Variants in DISC1 observed in about 807,000 individuals in gnomAD.
DISC1 encodes the protein disrupted in schizophrenia 1 protein.
In DISC1, 57 loss-of-function variants were observed where a neutral mutation model predicts 84.5. That is an observed-to-expected ratio of 0.67 (90% CI 0.55 to 0.84). The LOEUF (loss-of-function observed/expected upper bound fraction) is 0.84. DISC1 is among the 40% of genes least tolerant of loss of function. The pLI, the probability that DISC1 is intolerant of heterozygous loss-of-function variation, is 0.00. For synonymous variants in DISC1, 411 were observed against 415.2 expected, an observed-to-expected ratio of 0.99 and a Z score of 0.12; for missense variants, 1,000 against 1,057.8, an observed-to-expected ratio of 0.95 and a Z score of 0.76.
At chr1:231,893,957 T>C (rs931336164) in intron 9 of DISC1, among the ~76,000 whole-genome samples, 1 of 152,140 alleles carries the variant, frequency 6.6e-6, no homozygotes, top group Non-Finnish European at 1.5e-5. Flanking sequence ...AGAAATGATA[T>C]GAGGGATAGA....
At chr1:231,763,188 G>A (rs1053684723) in intron 4 of DISC1, among the ~76,000 whole-genome samples, 10 of 152,234 alleles carry the variant, frequency 6.6e-5, no homozygotes, top group South Asian at 2.1e-4. Flanking sequence ...AGCCTGATCC[G>A]CATTGACTCC....
intron 3 of DISC1, among the ~76,000 whole-genome samples, chr1:231,714,866 G>A (rs760658361): frequency 1.2e-4 from 19 of 152,140 alleles, no homozygotes; most frequent in Non-Finnish European, 2.2e-4. Context: ...TCCACCACAT[G>A]GATTCATTTG....
chr1:231,711,713 C>T (rs538412541), intron 3 of DISC1, among the ~76,000 whole-genome samples: 2 of 152,202 alleles, frequency 1.3e-5, no homozygotes, highest in African/African-American at 4.8e-5. Flanking sequence ...AACCTAGTAC[C>T]AGCTGAAAAG....
At chr1:231,902,062 C>A (rs930435889) in intron 9 of DISC1, among the ~76,000 whole-genome samples, 2 of 151,684 alleles carry the variant, frequency 1.3e-5, no homozygotes, top group African/African-American at 2.4e-5. Context: ...ATTTATTATA[C>A]ATATTAGGTC....
intron 7 of DISC1, 128 bp from the exon 8 acceptor site, chr1:231,799,966 CTTTTTGAACATTGT>C (rs2079093801): frequency 1.8e-6 from 1 of 565,138 alleles, no homozygotes; most frequent in Non-Finnish European, 3.2e-6. Context: ...CCATTGCTTG[CTTTTTGAACATTGT>C]CTTCCAATTA....
In DISC1 at chr1:231,743,901, C is replaced by T. The variant is rs2073642581; in HGVS notation, c.1118-6025C>T. Among the ~76,000 whole-genome samples the T allele has an allele frequency of 3.9e-5, 6 of 152,166 alleles. No individual in the cohort carries two copies. The South Asian group carries it at 1.0e-3, about 26-fold the overall frequency. On this transcript the variant is annotated intron_variant, in intron 3 of 12. Coordinates refer to ENST00000439617, the MANE Select transcript of DISC1 (RefSeq NM_018662.3). ...GCCTCAGAGACACAAGTTTTCTGCC[C>T]TTTCCTCTACCTTTTTGGGACCCAG... is the stretch of plus-strand genomic sequence containing the variant.
chr1:231,893,627 G>T (rs183444427), intron 9 of DISC1, among the ~76,000 whole-genome samples: 1 of 152,076 alleles, frequency 6.6e-6, no homozygotes, highest in Non-Finnish European at 1.5e-5. Flanking sequence ...TCTGGGACTG[G>T]GCTACCTGCG....
chr1:231,658,934 G>GT, intron 1 of DISC1, among the ~76,000 whole-genome samples: 1 of 151,814 alleles, frequency 6.6e-6, no homozygotes, highest in South Asian at 2.1e-4. Flanking sequence ...TCGGCCTGAG[G>GT]TTTTCTTTTT....
At chr1:231,693,549 A>T (rs1216116671) in intron 1 of DISC1, among the ~76,000 whole-genome samples, 1 of 152,234 alleles carries the variant, frequency 6.6e-6, no homozygotes, top group African/African-American at 2.4e-5. Flanking sequence ...GGTTGTGTTC[A>T]TGCTGACCTG....
chr1:231,829,944 T>A (rs1023204182), intron 9 of DISC1, among the ~76,000 whole-genome samples: 1 of 152,056 alleles, frequency 6.6e-6, no homozygotes, highest in Non-Finnish European at 1.5e-5. Flanking sequence ...CCAGATAATG[T>A]CATCTGTTAA....
intron 1 of DISC1, among the ~76,000 whole-genome samples, chr1:231,691,836 C>T (rs138430904): frequency 2.6e-3 from 391 of 152,308 alleles, no homozygotes; most frequent in African/African-American, 9.0e-3. Flanking sequence ...CACCCTGTTC[C>T]GACTGCTGCC....
chr1:231,678,822 C>T lies in DISC1; in HGVS notation c.68-15004C>T, dbSNP rs555839030. Among the ~76,000 whole-genome samples the T allele has an allele frequency of 2.6e-5, 4 of 152,088 alleles. No individual in the cohort carries two copies. In the South Asian group the frequency reaches 6.2e-4, roughly 24 times the overall value. ...CTGGGACTACAGGCGCCCGCCACCACGCCTGGCTAATTGTTTTTTATTTTT... is the reference window on the plus strand; with the variant it reads ...CTGGGACTACAGGCGCCCGCCACCATGCCTGGCTAATTGTTTTTTATTTTT... On this transcript the variant is annotated intron_variant, in intron 1 of 12. Transcript: ENST00000439617.
At position 231,694,484 on chromosome 1, in the gene DISC1, C is replaced by T. The variant is rs1241652399; in HGVS notation, c.726C>T (p.Pro242=). Reference sequence around the variant, plus strand: ...AGGCTGAGTCCCATTGCCAGAGCCCCCAGGAGATGGGAGCCAAAGCTGCCA... The same window carrying T: ...AGGCTGAGTCCCATTGCCAGAGCCCTCAGGAGATGGGAGCCAAAGCTGCCA... The part of the protein sequence containing the change: ...SREAESHCQS[P]QEMGAKAASL... Residue 242 remains proline, a synonymous_variant, in exon 2 of 13, where the codon CCC becomes CCT. Coordinates refer to ENST00000439617, the MANE Select transcript of DISC1 (RefSeq NM_018662.3). 3 of 1,614,154 alleles carry T rather than the reference C, an allele frequency of 1.9e-6. No homozygotes were observed. Among genetic ancestry groups the T allele is most frequent in the African/African-American group, 1.3e-5 (1 of 74,954 alleles).
Position 232,036,703 on chromosome 1 carries a change from A to G in DISC1, c.2437A>G (p.Arg813Gly). The G allele has an allele frequency of 5.0e-6, 8 of 1,599,096 alleles. No individual in the cohort carries two copies. Among genetic ancestry groups the G allele is most frequent in the Non-Finnish European group, 6.8e-6 (8 of 1,168,432 alleles). ...HDEDLIQSLR[R>G]ELQMVKETLQ... is the part of the protein sequence containing the mutation. Reference sequence around the variant, plus strand: ...AACAATGTGCCCACAGTCTCTCAGGAGGGAGCTCCAGATGGTGAAGGAAAC... The same window carrying G: ...AACAATGTGCCCACAGTCTCTCAGGGGGGAGCTCCAGATGGTGAAGGAAAC... The change falls in exon 13 of 13, where the codon AGG becomes GGG. Residue 813 changes from arginine to glycine, a missense_variant. By Grantham distance (125) the Arg-to-Gly change is moderately radical (BLOSUM62 -2). Coordinates refer to ENST00000439617, the MANE Select transcript of DISC1 (RefSeq NM_018662.3).
At chr1:231,747,078 C>G (rs1330823093) in intron 3 of DISC1, among the ~76,000 whole-genome samples, 1 of 152,124 alleles carries the variant, frequency 6.6e-6, no homozygotes. Flanking sequence ...TACAGCCATA[C>G]ACCACCATGC....
intron 1 of DISC1, among the ~76,000 whole-genome samples, chr1:231,649,199 T>C (rs530001736): frequency 6.2e-4 from 94 of 152,380 alleles, no homozygotes; most frequent in Non-Finnish European, 1.2e-3. Context: ...CATTTAGTGC[T>C]GTAAATTTCC....
At chr1:231,993,300 G>A (rs1302860538) in intron 10 of DISC1, among the ~76,000 whole-genome samples, 1 of 151,756 alleles carries the variant, frequency 6.6e-6, no homozygotes, top group East Asian at 1.9e-4. Flanking sequence ...AGGGCATCTT[G>A]GGAAAGGCCT....
intron 1 of DISC1, among the ~76,000 whole-genome samples, chr1:231,638,399 T>G (rs1572375122): frequency 6.6e-6 from 1 of 152,218 alleles, no homozygotes; most frequent in East Asian, 1.9e-4. Flanking sequence ...GTCTTAGTCA[T>G]GAATTCTTTG....
intron 9 of DISC1, among the ~76,000 whole-genome samples, chr1:231,885,010 G>A (rs569962079): frequency 3.9e-5 from 6 of 152,250 alleles, no homozygotes; most frequent in African/African-American, 1.2e-4. Context: ...ACTGGCTTTA[G>A]AAGTTGTTAT....
Sources: gnomAD v4.1 joint callset for allele counts (sites outside exome capture counted in the v4.1 genomes callset) on GRCh38, gnomAD v4.1.1 for gene constraint, MANE v1.5 for transcripts, NCBI Gene and HGNC (gene_info 2026-07-23, HGNC 2026-07-21) for gene names.